SLC24A2: variants seen among roughly 807,000 people sequenced by gnomAD.
SLC24A2 encodes solute carrier family 24 member 2, also known as sodium/potassium/calcium exchanger 2.
Under a neutral mutation model 62.0 loss-of-function variants are expected in SLC24A2, and 36 were observed. That is an observed-to-expected ratio of 0.58 (90% CI 0.44 to 0.77). The LOEUF (loss-of-function observed/expected upper bound fraction) is 0.77, where lower values mean the gene tolerates loss of function less well. Ranked by LOEUF, SLC24A2 falls within the 30% of genes least tolerant of loss-of-function variation. The pLI is 0.00. For synonymous variants in SLC24A2, 358 were observed against 294.0 expected (o/e 1.22, Z -2.23); for missense variants, 846 against 817.9 (o/e 1.03, Z -0.42).
At chr9:19,712,252 T>C (rs1034896728) in intron 2 of SLC24A2, among the ~76,000 whole-genome samples, 6 of 152,216 alleles carry the variant, frequency 3.9e-5, no homozygotes, top group African/African-American at 1.4e-4. Context: ...TAATTTTATT[T>C]CATTTTCACT....
At chr9:19,886,502 C>T in the SLC24A2 span, among the ~76,000 whole-genome samples, 24 of 152,082 alleles carry the variant, frequency 1.6e-4, no homozygotes, top group South Asian at 1.0e-3. Flanking sequence ...AAAACCACAA[C>T]GAGATACCAT....
intron 7 of SLC24A2, among the ~76,000 whole-genome samples, chr9:19,552,791 C>G (rs114119864): frequency 1.3e-5 from 2 of 152,234 alleles, no homozygotes; most frequent in Non-Finnish European, 2.9e-5. Flanking sequence ...CGGATTAGCT[C>G]CTTTCTCCAT....
At chr9:19,929,546 T>C in the SLC24A2 span, 1 of 152,216 alleles carries the variant, frequency 6.6e-6, no homozygotes, top group East Asian at 1.9e-4. Flanking sequence ...TGTTTGCCAG[T>C]TGTAAAAAAG....
the SLC24A2 span, among the ~76,000 whole-genome samples, chr9:19,833,431 C>G: frequency 6.6e-6 from 1 of 152,226 alleles, no homozygotes; most frequent in Non-Finnish European, 1.5e-5. Flanking sequence ...GAGATTATAT[C>G]CTGCACCTGG....
the SLC24A2 span, among the ~76,000 whole-genome samples, chr9:20,201,513 A>G: frequency 6.6e-6 from 1 of 152,236 alleles, no homozygotes; most frequent in Non-Finnish European, 1.5e-5. Flanking sequence ...GGGAAAAGAA[A>G]GAAAGTGAGA....
At chr9:19,913,753 A>AATT in the SLC24A2 span, among the ~76,000 whole-genome samples, 1 of 152,264 alleles carries the variant, frequency 6.6e-6, no homozygotes, top group African/African-American at 2.4e-5. Context: ...TTGTTGAATA[A>AATT]GGAAACCATG....
chr9:19,799,196 C>T, the SLC24A2 span, among the ~76,000 whole-genome samples: 1 of 152,000 alleles, frequency 6.6e-6, no homozygotes, highest in Non-Finnish European at 1.5e-5. Context: ...CCTACTATCT[C>T]ATTTCTCCAG....
At chr9:19,718,386 A>G (rs537736436) in intron 2 of SLC24A2, among the ~76,000 whole-genome samples, 2 of 125,250 alleles carry the variant, frequency 1.6e-5, no homozygotes, top group South Asian at 2.7e-4. Flanking sequence ...TCTGCCTCCC[A>G]GGCTCCAGCC....
At chr9:20,147,120 AAAG>A in the SLC24A2 span, among the ~76,000 whole-genome samples, 1 of 152,182 alleles carries the variant, frequency 6.6e-6, no homozygotes, top group Non-Finnish European at 1.5e-5. Context: ...CCTTGCTGTT[AAAG>A]AACAGAGAAA....
At chr9:19,647,601 A>G (rs1587092027) in intron 2 of SLC24A2, among the ~76,000 whole-genome samples, 3 of 152,242 alleles carry the variant, frequency 2.0e-5, no homozygotes, top group African/African-American at 7.2e-5. Flanking sequence ...AGGGCAGGAC[A>G]ACATGTACAT....
chr9:20,010,093 T>C, the SLC24A2 span, among the ~76,000 whole-genome samples: 12 of 152,180 alleles, frequency 7.9e-5, no homozygotes, highest in Non-Finnish European at 1.3e-4. Context: ...CAGCCAGTGG[T>C]CTCGCTGAAT....
At chr9:19,619,519 G>T in intron 4 of SLC24A2, 65 bp downstream of exon 4, 2 of 1,237,012 alleles carry the variant, frequency 1.6e-6, no homozygotes, top group Non-Finnish European at 2.4e-6. Flanking sequence ...CACGTTTTAT[G>T]CAGAGAAGCC....
At chr9:19,847,496 T>C in the SLC24A2 span, among the ~76,000 whole-genome samples, 7 of 152,236 alleles carry the variant, frequency 4.6e-5, no homozygotes, top group Non-Finnish European at 5.9e-5. Flanking sequence ...TCCTGGGTTA[T>C]TATTCTCTTT....
the SLC24A2 span, among the ~76,000 whole-genome samples, chr9:20,240,224 G>A: frequency 9.2e-5 from 14 of 152,144 alleles, no homozygotes; most frequent in African/African-American, 3.4e-4. Context: ...AAGATGCTAT[G>A]AGATATGTAA....
intron 2 of SLC24A2, among the ~76,000 whole-genome samples, chr9:19,723,939 A>G (rs994626906): frequency 2.0e-5 from 3 of 152,034 alleles, no homozygotes; most frequent in African/African-American, 7.2e-5. Flanking sequence ...TTGCCATACT[A>G]TTTTTTATTA....
the SLC24A2 span, among the ~76,000 whole-genome samples, chr9:19,832,632 A>C: frequency 6.6e-6 from 1 of 152,224 alleles, no homozygotes; most frequent in African/African-American, 2.4e-5. Flanking sequence ...TAAAACCATA[A>C]AAACCCTAGA....
the SLC24A2 span, among the ~76,000 whole-genome samples, chr9:20,161,465 T>C: frequency 6.6e-6 from 1 of 151,444 alleles, no homozygotes; most frequent in African/African-American, 2.4e-5. Flanking sequence ...TGAATATTGA[T>C]GAAAAATCCT....
chr9:19,809,809 C>T, the SLC24A2 span, among the ~76,000 whole-genome samples: 1 of 152,042 alleles, frequency 6.6e-6, no homozygotes, highest in Non-Finnish European at 1.5e-5. Context: ...CTATAACTTC[C>T]GTTGCATCAG....
chr9:19,636,317 T>TCC (rs1818330784), intron 2 of SLC24A2, among the ~76,000 whole-genome samples: 6 of 10,720 alleles, frequency 5.6e-4, no homozygotes, highest in African/African-American at 1.2e-3. Flanking sequence ...TTCTTTTCTT[T>TCC]TCTTTCTTTC....
Sources: allele counts gnomAD v4.1 joint callset (sites outside exome capture counted in the v4.1 genomes callset), GRCh38; gene constraint gnomAD v4.1.1; transcripts MANE v1.5; gene names NCBI Gene and HGNC (gene_info 2026-07-23, HGNC 2026-07-21).